TTC7A: variants seen among roughly 807,000 people sequenced by gnomAD.
TTC7A encodes tetratricopeptide repeat protein 7A.
Under a neutral mutation model 103.7 loss-of-function variants are expected in TTC7A, and 110 were observed. That is an observed-to-expected ratio of 1.06 (90% CI 0.91 to 1.24). TTC7A has a LOEUF of 1.24. Ranked by LOEUF, TTC7A falls within the 50% of genes most tolerant of loss-of-function variation. The pLI is 0.00. For missense variants in TTC7A, 1,340 were observed against 1,116.3 expected (o/e 1.20, Z -2.86); for synonymous variants, 521 against 467.9 (o/e 1.11, Z -1.47).
intron 3 of TTC7A, among the ~76,000 whole-genome samples, chr2:46,966,827 G>C (rs1672898277): frequency 6.8e-6 from 1 of 146,258 alleles, no homozygotes; most frequent in African/African-American, 2.5e-5. Context: ...TTCCTAGAAA[G>C]TAGAATTACT....
chr2:46,974,896 A>C (rs1673715347), intron 3 of TTC7A, 77 bp from the exon 4 acceptor site: 2 of 1,559,408 alleles, frequency 1.3e-6, no homozygotes, highest in Non-Finnish European at 1.7e-6. Context: ...GGATGAGCCC[A>C]CCTTCGGCCC....
At chr2:46,984,630 A>G (rs1674818663) in intron 5 of TTC7A, among the ~76,000 whole-genome samples, 1 of 152,204 alleles carries the variant, frequency 6.6e-6, no homozygotes, top group African/African-American at 2.4e-5. Flanking sequence ...GTGAACATCA[A>G]GGACAGCCAG....
chr2:46,916,940 C>T (rs1214910621), intron 1 of TTC7A, among the ~76,000 whole-genome samples: 1 of 151,892 alleles, frequency 6.6e-6, no homozygotes, highest in Non-Finnish European at 1.5e-5. Flanking sequence ...GCAGGACGGT[C>T]GTTTTTTTTA....
In TTC7A at chr2:47,060,753, C is replaced by G. The variant is rs761900082; in HGVS notation, c.2153-16C>G. Reference sequence around the variant, plus strand: ...CCCCACCACTCACACCTCCCACTGCCCTTCTGCTTTTGCAGCTGAGCTGTT... The same window carrying G: ...CCCCACCACTCACACCTCCCACTGCGCTTCTGCTTTTGCAGCTGAGCTGTT... On this transcript the variant is annotated splice_polypyrimidine_tract_variant and intron_variant, in intron 18 of 19. Transcript: ENST00000319190. The G allele has an allele frequency of 1.9e-6, 3 of 1,584,290 alleles. No homozygotes were observed. The highest frequency in any genetic ancestry group is 2.6e-6 in the Non-Finnish European group (3 of 1,159,212).
intron 15 of TTC7A, among the ~76,000 whole-genome samples, chr2:47,034,748 C>T (rs771402905): frequency 4.6e-5 from 7 of 152,192 alleles, no homozygotes; most frequent in Non-Finnish European, 1.0e-4. Flanking sequence ...CTCTTCCCAC[C>T]CCCTGGAACC....
intron 2 of TTC7A, among the ~76,000 whole-genome samples, chr2:46,928,386 G>C (rs1416789273): frequency 6.6e-6 from 1 of 151,188 alleles, no homozygotes; most frequent in Non-Finnish European, 1.5e-5. Context: ...CTGAAATCAG[G>C]GTGTTAACTG....
intron 2 of TTC7A, among the ~76,000 whole-genome samples, chr2:46,935,452 T>G (rs145280663): frequency 6.6e-6 from 1 of 152,278 alleles, no homozygotes; most frequent in African/African-American, 2.4e-5. Context: ...CAACACTTCA[T>G]AACTATTCCA....
In TTC7A at chr2:47,075,009, T is replaced by C. The variant is rs1050232044; in HGVS notation, c.*1086T>C. ...AGGGGATCCTTTTGTATCTGCACTT[T>C]GGGTTTTAGTTTCAAAGCTCCATCA... On this transcript the variant is annotated 3_prime_UTR_variant, in exon 20 of 20. Transcript: ENST00000319190. 4 of 152,248 alleles carry C rather than the reference T, an allele frequency of 2.6e-5. No individual in the cohort carries two copies. The highest frequency in any genetic ancestry group is 9.6e-5 in the African/African-American group (4 of 41,452). 9.4% of individuals were successfully genotyped at this position (152,248 alleles called of 1,614,324 possible). A position where few individuals can be genotyped will look rare whatever the true frequency, so the allele number is the denominator to read the frequency against.
At chr2:46,968,550 T>C (rs997912406) in intron 3 of TTC7A, among the ~76,000 whole-genome samples, 3 of 152,156 alleles carry the variant, frequency 2.0e-5, no homozygotes, top group African/African-American at 4.8e-5. Flanking sequence ...CCGGCCCCTT[T>C]TTATGGGCAG....
intron 8 of TTC7A, 60 bp from the exon 9 acceptor site, chr2:47,005,861 GA>G: frequency 1.3e-6 from 2 of 1,595,542 alleles, no homozygotes; most frequent in South Asian, 2.2e-5. Flanking sequence ...GGGGCCCTGC[GA>G]AGACAGACAC....
intron 8 of TTC7A, chr2:46,999,913 G>C: frequency 1.0e-6 from 1 of 985,264 alleles, no homozygotes; most frequent in Non-Finnish European, 1.2e-6. Context: ...TGGGTCCTGG[G>C]ACTCTGCAGA....
At chr2:47,040,507 G>T (rs1428599745) in intron 15 of TTC7A, 1 of 152,260 alleles carries the variant, frequency 6.6e-6, no homozygotes, top group East Asian at 1.9e-4. Flanking sequence ...GCTTTGCCCA[G>T]AGCCCAGTTC....
At chr2:46,964,465 A>G (rs1242849937) in intron 3 of TTC7A, among the ~76,000 whole-genome samples, 1 of 152,094 alleles carries the variant, frequency 6.6e-6, no homozygotes, top group Non-Finnish European at 1.5e-5. Context: ...TGGGGTTTCT[A>G]GATCTTTGGC....
intron 2 of TTC7A, among the ~76,000 whole-genome samples, chr2:46,953,502 T>A (rs1397754999): frequency 1.3e-5 from 2 of 152,198 alleles, no homozygotes; most frequent in African/African-American, 4.8e-5. Flanking sequence ...AGGTCACAGT[T>A]GGCGTGACCT....
intron 3 of TTC7A, among the ~76,000 whole-genome samples, chr2:46,966,903 T>TG (rs967977607): frequency 1.3e-5 from 2 of 151,368 alleles, no homozygotes; most frequent in Non-Finnish European, 2.9e-5. Flanking sequence ...GTTTTTTGTT[T>TG]TTTTTTTTTC....
intron 1 of TTC7A, among the ~76,000 whole-genome samples, chr2:46,948,189 C>T (rs183301714): frequency 3.9e-5 from 6 of 152,222 alleles, no homozygotes; most frequent in African/African-American, 9.6e-5. Flanking sequence ...AGCTGGGGGA[C>T]GGGGCCAGCA....
At chr2:46,957,818 TC>T (rs1672017039) in intron 3 of TTC7A, among the ~76,000 whole-genome samples, 1 of 152,188 alleles carries the variant, frequency 6.6e-6, no homozygotes, top group African/African-American at 2.4e-5. Flanking sequence ...GGATGTTTGA[TC>T]GTCTCCCTAG....
At chr2:47,005,812 C>A in intron 8 of TTC7A, 110 bp from the exon 9 acceptor site, 2 of 1,216,736 alleles carry the variant, frequency 1.6e-6, no homozygotes, top group Non-Finnish European at 2.4e-6. Context: ...TGGCTTGGGG[C>A]AGTGGCAAAA....
Position 46,941,442 on chromosome 2 carries a change from C to T in TTC7A, c.-100C>T. The T allele has an allele frequency of 1.5e-6, 2 of 1,298,702 alleles. No individual in the cohort carries two copies. Among genetic ancestry groups the T allele is most frequent in the South Asian group, 4.2e-5 (2 of 47,734 alleles). 80.4% of individuals were successfully genotyped at this position (1,298,702 alleles called of 1,614,324 possible). On this transcript the variant is annotated 5_prime_UTR_variant, in exon 1 of 20. Coordinates refer to ENST00000319190, the MANE Select transcript of TTC7A (RefSeq NM_020458.4). The surrounding 1 kb of genome is among the most constrained non-coding windows in gnomAD (Gnocchi z 4.2). Reference sequence around the variant, plus strand: ...CCCGGGCCCCGGCTGCCGTCTGCGCCCCCGTCGACCCCGCCCGCGAGTGCG... The same window carrying T: ...CCCGGGCCCCGGCTGCCGTCTGCGCTCCCGTCGACCCCGCCCGCGAGTGCG...
Sources: allele counts gnomAD v4.1 joint callset (sites outside exome capture counted in the v4.1 genomes callset), GRCh38; gene constraint gnomAD v4.1.1; non-coding constraint Gnocchi (gnomAD v3.1); transcripts MANE v1.5; gene names NCBI Gene and HGNC (gene_info 2026-07-23, HGNC 2026-07-21).